AGBL1: variants seen among roughly 807,000 people sequenced by gnomAD.
AGBL1 encodes cytosolic carboxypeptidase 4.
AGBL1 carries 130 observed loss-of-function variants against 118.9 expected under a neutral mutation model. That is an observed-to-expected ratio of 1.09 (90% CI 0.95 to 1.26). The LOEUF is 1.26. Ranked by LOEUF, AGBL1 falls within the 50% of genes most tolerant of loss-of-function variation. AGBL1 has a pLI of 0.00. For missense variants in AGBL1, 1,584 were observed against 1,298.1 expected (o/e 1.22, Z -3.38); for synonymous variants, 555 against 478.9 (o/e 1.16, Z -2.08).
intron 21 of AGBL1, among the ~76,000 whole-genome samples, chr15:86,609,563 C>T (rs941161604): frequency 6.6e-6 from 1 of 152,066 alleles, no homozygotes; most frequent in Admixed American, 6.6e-5. Flanking sequence ...CCGTTTTAGT[C>T]GATCCAGGTT....
intron 23 of AGBL1, among the ~76,000 whole-genome samples, chr15:86,940,268 A>G (rs973390429): frequency 3.3e-5 from 5 of 151,900 alleles, no homozygotes; most frequent in African/African-American, 1.2e-4. Flanking sequence ...TTTCTTTTAG[A>G]AAAACTTAAC....
chr15:86,432,357 G>A (rs560994257), intron 18 of AGBL1, among the ~76,000 whole-genome samples: 1 of 152,190 alleles, frequency 6.6e-6, no homozygotes, highest in South Asian at 2.1e-4. Flanking sequence ...GCAGTTTCTT[G>A]GACTTTGTTT....
chr15:86,286,861 C>G (rs920708858), intron 16 of AGBL1, among the ~76,000 whole-genome samples: 20 of 151,358 alleles, frequency 1.3e-4, no homozygotes, highest in African/African-American at 4.4e-4. Flanking sequence ...GATTTCAGTT[C>G]CTTTGGATAT....
intron 15 of AGBL1, among the ~76,000 whole-genome samples, chr15:86,277,683 C>G (rs555567279): frequency 6.6e-6 from 1 of 152,318 alleles, no homozygotes; most frequent in Non-Finnish European, 1.5e-5. Context: ...AAGCAAGGCC[C>G]ATGCCAAATA....
chr15:86,128,583 G>A (rs757591285), intron 1 of AGBL1, among the ~76,000 whole-genome samples: 2 of 152,192 alleles, frequency 1.3e-5, no homozygotes, highest in Non-Finnish European at 2.9e-5. Flanking sequence ...GCCCCACCTC[G>A]CATGGTGACA....
chr15:86,964,089 G>A (rs886492880), intron 23 of AGBL1, among the ~76,000 whole-genome samples: 1 of 148,462 alleles, frequency 6.7e-6, no homozygotes, highest in Non-Finnish European at 1.5e-5. Flanking sequence ...TGGAAGACTC[G>A]GTGTTATTAT....
At chr15:87,016,802 C>T (rs2081611574) in intron 24 of AGBL1, among the ~76,000 whole-genome samples, 1 of 152,116 alleles carries the variant, frequency 6.6e-6, no homozygotes, top group Non-Finnish European at 1.5e-5. Flanking sequence ...CCTGGGAAAT[C>T]ATGCTTCTCC....
chr15:86,665,223 G>A (rs935690996), intron 21 of AGBL1, among the ~76,000 whole-genome samples: 7 of 152,090 alleles, frequency 4.6e-5, no homozygotes, highest in African/African-American at 1.7e-4. Context: ...GCACATTTTG[G>A]ACTGTCTCTG....
chr15:86,959,329 A>G (rs1471067022), intron 23 of AGBL1, among the ~76,000 whole-genome samples: 48 of 152,174 alleles, frequency 3.2e-4, no homozygotes, highest in Admixed American at 3.1e-3. Flanking sequence ...TAAAATGAGT[A>G]GTTCAACATC....
chr15:86,091,040 C>A (rs1249457064), intron 1 of AGBL1, among the ~76,000 whole-genome samples: 3 of 152,048 alleles, frequency 2.0e-5, no homozygotes, highest in Non-Finnish European at 2.9e-5. Context: ...CTTGGCTGGG[C>A]TTTAGGAAGG....
intron 20 of AGBL1, among the ~76,000 whole-genome samples, chr15:86,551,734 A>G (rs1451862542): frequency 1.3e-5 from 2 of 152,184 alleles, no homozygotes; most frequent in Non-Finnish European, 2.9e-5. Context: ...CAAAGCCAAA[A>G]TGAGGGCATC....
chr15:86,671,804 C>T (rs551424194), intron 21 of AGBL1, among the ~76,000 whole-genome samples: 7 of 152,302 alleles, frequency 4.6e-5, no homozygotes, highest in South Asian at 2.1e-4. Context: ...TGCCTCTCCA[C>T]GTCCACTCAT....
At chr15:86,970,112 TTCTG>T (rs1443967351) in intron 23 of AGBL1, among the ~76,000 whole-genome samples, 1 of 151,894 alleles carries the variant, frequency 6.6e-6, no homozygotes, top group Non-Finnish European at 1.5e-5. Context: ...TAGTAGCTTA[TTCTG>T]TCTTTCAATT....
At chr15:86,143,403 CAT>C (rs1407710580) in intron 2 of AGBL1, among the ~76,000 whole-genome samples, 1 of 152,198 alleles carries the variant, frequency 6.6e-6, no homozygotes, top group African/African-American at 2.4e-5. Context: ...CATGTACACA[CAT>C]GTATACATAC....
At chr15:87,005,074 G>C (rs953468611) in intron 24 of AGBL1, among the ~76,000 whole-genome samples, 9 of 152,104 alleles carry the variant, frequency 5.9e-5, no homozygotes, top group Non-Finnish European at 1.0e-4. Flanking sequence ...TAGTCTGATG[G>C]GCTTCCCTTT....
At chr15:86,825,718 A>T in intron 22 of AGBL1, among the ~76,000 whole-genome samples, 1 of 141,640 alleles carries the variant, frequency 7.1e-6, no homozygotes, top group African/African-American at 2.7e-5. Context: ...AAAGCGAGAG[A>T]GGGAGGGAGG....
intron 18 of AGBL1, among the ~76,000 whole-genome samples, chr15:86,458,558 T>C (rs1209639982): frequency 3.3e-5 from 5 of 152,192 alleles, no homozygotes; most frequent in Non-Finnish European, 7.3e-5. Flanking sequence ...GAACAAAGCT[T>C]ACACTAACAC....
chr15:86,453,491 G>A (rs548631238), intron 18 of AGBL1, among the ~76,000 whole-genome samples: 65 of 152,246 alleles, frequency 4.3e-4, no homozygotes, highest in African/African-American at 1.4e-3. Flanking sequence ...CAGCAATTCC[G>A]TACCCCTTTT....
At chr15:86,129,852 A>T (rs2076796459) in intron 1 of AGBL1, among the ~76,000 whole-genome samples, 1 of 152,176 alleles carries the variant, frequency 6.6e-6, no homozygotes, top group Non-Finnish European at 1.5e-5. Context: ...GGAGGTTTTG[A>T]GAGAGAGCGT....
Sources: gnomAD v4.1 joint callset for allele counts (sites outside exome capture counted in the v4.1 genomes callset) on GRCh38, gnomAD v4.1.1 for gene constraint, MANE v1.5 for transcripts, NCBI Gene and HGNC (gene_info 2026-07-23, HGNC 2026-07-21) for gene names.